FBLN7: variants seen among roughly 807,000 people sequenced by gnomAD.
The protein encoded by FBLN7 is fibulin-7.
In FBLN7, 31 loss-of-function variants were observed where a neutral mutation model predicts 44.0. The ratio of observed to expected loss-of-function variants is 0.70; its 90% CI spans 0.53 to 0.95. FBLN7 has a LOEUF of 0.95. FBLN7 is among the 40% of genes least tolerant of loss of function. The pLI is 0.00. For synonymous variants in FBLN7, 262 were observed against 253.4 expected, an observed-to-expected ratio of 1.03 and a Z score of -0.32; for missense variants, 573 against 618.5, an observed-to-expected ratio of 0.93 and a Z score of 0.78.
chr2:112,231,530 CAGG>C, the FBLN7 span, among the ~76,000 whole-genome samples: 1 of 152,150 alleles, frequency 6.6e-6, no homozygotes, highest in Admixed American at 6.5e-5. Flanking sequence ...ATCTTTATAA[CAGG>C]AGTACTATTT....
Position 112,138,523 on chromosome 2 carries a change from C to A in FBLN7, c.-133C>A, listed in dbSNP as rs552805229. 462 of 1,233,614 alleles carry A rather than the reference C, an allele frequency of 3.7e-4. 1 individual carries two copies. The highest frequency in any genetic ancestry group is 2.0e-3 in the Middle Eastern group (7 of 3,424). The allele number at this position is 1,233,614 out of a possible 1,614,324, so 76.4% of individuals were successfully genotyped here. On this transcript the variant is annotated 5_prime_UTR_variant, in exon 1 of 8. Transcript: ENST00000331203. ...CTGCGCTCGGGGCCTCCCGCCTCCCCCCCTGCCCCAGCCGCCCCCCGGCCG... is the reference window on the plus strand; with the variant it reads ...CTGCGCTCGGGGCCTCCCGCCTCCCACCCTGCCCCAGCCGCCCCCCGGCCG...
At chr2:112,230,858 A>C in the FBLN7 span, 1 of 1,229,670 alleles carries the variant, frequency 8.1e-7, no homozygotes, top group African/African-American at 1.6e-5. Flanking sequence ...ACTTCTGGAG[A>C]TGTTCAGACA....
At chr2:112,205,604 A>C in the FBLN7 span, among the ~76,000 whole-genome samples, 1 of 152,232 alleles carries the variant, frequency 6.6e-6, no homozygotes, top group East Asian at 1.9e-4. Flanking sequence ...TAACAGTCTA[A>C]ATACACCAAT....
At chr2:112,223,391 G>GAATAA in the FBLN7 span, among the ~76,000 whole-genome samples, 1 of 151,736 alleles carries the variant, frequency 6.6e-6, no homozygotes, top group African/African-American at 2.4e-5. Context: ...CTCAAGAATA[G>GAATAA]AATAAAATAA....
chr2:112,158,162 G>A (rs1012818705), intron 1 of FBLN7, among the ~76,000 whole-genome samples: 9 of 152,070 alleles, frequency 5.9e-5, no homozygotes, highest in Non-Finnish European at 1.2e-4. Flanking sequence ...CTCCCAAAGT[G>A]CTGGGATTAC....
the FBLN7 span, among the ~76,000 whole-genome samples, chr2:112,204,820 T>TA: frequency 1.3e-5 from 2 of 152,270 alleles, no homozygotes; most frequent in South Asian, 4.1e-4. Flanking sequence ...TTTAGGCTGA[T>TA]ACAAAAGAAC....
chr2:112,197,282 G>C, the FBLN7 span, among the ~76,000 whole-genome samples: 20,518 of 92,660 alleles, frequency 0.22, 1,658 homozygotes, highest in African/African-American at 0.33. Context: ...CACAGAGAGA[G>C]AGAGAGAGAG....
the FBLN7 span, among the ~76,000 whole-genome samples, chr2:112,203,616 A>T: frequency 6.6e-6 from 1 of 152,322 alleles, no homozygotes; most frequent in Non-Finnish European, 1.5e-5. Flanking sequence ...ATGCATAAAC[A>T]GTCAATACAC....
Position 112,187,192 on chromosome 2 carries a change from A to G in FBLN7, c.1006A>G (p.Thr336Ala). Residue 336 changes from threonine to alanine, a missense_variant, in exon 8 of 8, where the codon ACC becomes GCC. Coordinates refer to ENST00000331203, the MANE Select transcript of FBLN7 (RefSeq NM_153214.3). This position sits in a 1 kb window ranked among gnomAD's most constrained non-coding sequence, Gnocchi z 5.1. ...CAGGCCCTGCCGCCATCTGCCCAAG[A>G]CCATCTCCTTCCATTACCTCTCTCT... ...DSRPCRHLPK[T>A]ISFHYLSLPS... 1 of 1,614,058 alleles carries G rather than the reference A, an allele frequency of 6.2e-7. No individual in the cohort carries two copies.
At chr2:112,165,811 A>G (rs1369272183) in intron 3 of FBLN7, among the ~76,000 whole-genome samples, 1 of 152,176 alleles carries the variant, frequency 6.6e-6, no homozygotes, top group East Asian at 1.9e-4. Context: ...TGCTAGGTTT[A>G]AAAACAGCAC....
the FBLN7 span, chr2:112,234,307 A>T: frequency 7.9e-7 from 1 of 1,259,090 alleles, no homozygotes; most frequent in Non-Finnish European, 1.1e-6. Context: ...GTTGCACAAA[A>T]TTATTTAAAC....
the FBLN7 span, chr2:112,234,180 A>G: frequency 1.2e-6 from 2 of 1,611,052 alleles, no homozygotes; most frequent in South Asian, 1.1e-5. Context: ...GTTCCACTGT[A>G]TGTTGGTTGA....
At chr2:112,176,737 C>G (rs771050206) in intron 4 of FBLN7, 12 of 152,246 alleles carry the variant, frequency 7.9e-5, no homozygotes, top group Non-Finnish European at 1.5e-4. Context: ...TCAGAGGCCC[C>G]TTACAGCTCC....
intron 1 of FBLN7, among the ~76,000 whole-genome samples, chr2:112,146,929 G>A (rs1409197699): frequency 6.6e-6 from 1 of 152,184 alleles, no homozygotes; most frequent in Admixed American, 6.5e-5. Context: ...GGTTCTGGCT[G>A]TAGGTTTTTT....
At chr2:112,158,556 C>T (rs546065920) in intron 1 of FBLN7, among the ~76,000 whole-genome samples, 2 of 152,266 alleles carry the variant, frequency 1.3e-5, no homozygotes, top group African/African-American at 4.8e-5. Flanking sequence ...CTGCCTCAGC[C>T]TCCCGAGTAG....
the FBLN7 span, among the ~76,000 whole-genome samples, chr2:112,224,561 C>T: frequency 1.6e-4 from 25 of 152,086 alleles, no homozygotes; most frequent in Admixed American, 1.6e-3. Context: ...CATAAATGTT[C>T]GCTGAAGCTT....
Position 112,159,658 on chromosome 2 carries a change from G to T in FBLN7, c.76-18G>T. On this transcript the variant is annotated intron_variant, in intron 1 of 7. Transcript: ENST00000331203. ...GTCAGTCTCAATGGGTGGTGGCGGC[G>T]ATGTCTTCTCTCCGCAGAACTGTCT... 1 of 1,502,948 alleles carries T rather than the reference G, an allele frequency of 6.7e-7. No individual in the cohort carries two copies. The highest frequency in any genetic ancestry group is 8.9e-7 in the Non-Finnish European group (1 of 1,118,242). 93.1% of individuals were successfully genotyped at this position (1,502,948 alleles called of 1,614,324 possible).
the FBLN7 span, among the ~76,000 whole-genome samples, chr2:112,203,218 T>A: frequency 6.6e-6 from 1 of 152,124 alleles, no homozygotes; most frequent in African/African-American, 2.4e-5. Context: ...GTACTTCTCA[T>A]GCAGGAAGTA....
intron 2 of FBLN7, among the ~76,000 whole-genome samples, chr2:112,164,539 G>GA (rs1254217154): frequency 6.6e-6 from 1 of 152,210 alleles, no homozygotes; most frequent in African/African-American, 2.4e-5. Context: ...GAAACCTGGA[G>GA]AGTGAGAAGG....
Sources: gnomAD v4.1 joint callset for allele counts (sites outside exome capture counted in the v4.1 genomes callset) on GRCh38, gnomAD v4.1.1 for gene constraint, Gnocchi (gnomAD v3.1) non-coding constraint, MANE v1.5 for transcripts, NCBI Gene and HGNC (gene_info 2026-07-23, HGNC 2026-07-21) for gene names.